Variants in TFAP2C observed in about 807,000 individuals in gnomAD.
TFAP2C encodes the protein transcription factor AP-2 gamma.
TFAP2C carries 9 observed loss-of-function variants against 42.9 expected under a neutral mutation model. The ratio of observed to expected loss-of-function variants is 0.21; its 90% confidence interval spans 0.13 to 0.37. The LOEUF is 0.37. Ranked by LOEUF, TFAP2C falls within the 10% of genes least tolerant of loss-of-function variation. The pLI is 1.00. For synonymous variants in TFAP2C, 264 were observed against 256.0 expected (o/e 1.03, Z -0.30); for missense variants, 462 against 591.7 (o/e 0.78, Z 2.27).
In TFAP2C at chr20:56,633,406, G is replaced by T. The variant is rs200945064; in HGVS notation, c.640G>T (p.Val214Leu). 6.2e-7 allele frequency: 1 copy of T among 1,614,110 alleles called. No individual in the cohort carries two copies. The highest frequency in any genetic ancestry group is 2.2e-5 in the East Asian group (1 of 44,882). The change falls in exon 4 of 7, where the codon GTG becomes TTG. Residue 214 changes from valine (V) to leucine (L), a missense_variant. By Grantham distance (32) the Val-to-Leu change is conservative (BLOSUM62 1). Coordinates refer to ENST00000201031, the MANE Select transcript of TFAP2C (RefSeq NM_003222.4). ...PLNLPCQKEL[V>L]GAVMNPTEVF... ...GAACCTCCCCTGTCAGAAGGAGCTG[G>T]TGGGGGCCGTAATGAACCCCACTGA...
chr20:56,636,607 T>C lies in TFAP2C; in HGVS notation c.923-3T>C, dbSNP rs776375684. The C allele has an allele frequency of 6.2e-7, 1 of 1,610,566 alleles. No individual in the cohort carries two copies. The highest frequency in any genetic ancestry group is 1.1e-5 in the South Asian group (1 of 90,216). The stretch of plus-strand genomic sequence containing the variant: ...TCCTAAAAGCTGTTGCTGATTATTC[T>C]AGGTGAAGCTGTTCATTTGGCTAGG... On this transcript the variant is annotated splice_polypyrimidine_tract_variant and splice_region_variant and intron_variant, in intron 5 of 6. Coordinates refer to ENST00000201031, the MANE Select transcript of TFAP2C (RefSeq NM_003222.4).
At position 56,631,383 on chromosome 20, in the gene TFAP2C, A is replaced by C. The variant is rs1169398194; in HGVS notation, c.227A>C (p.Tyr76Ser). Reference sequence around the variant, plus strand: ...GCCTACTCCCAGTCGGCCGACCCCTACTCGCATCTGGGGGAAGCGTACGCC... The same window carrying C: ...GCCTACTCCCAGTCGGCCGACCCCTCCTCGCATCTGGGGGAAGCGTACGCC... ...QLAYSQSADP[Y>S]SHLGEAYAAA... is the part of the protein sequence containing the mutation. The change falls in exon 2 of 7, where the codon TAC (tyrosine) becomes TCC (serine). Residue 76 changes from tyrosine (Y) to serine (S), a missense_variant. Physicochemically the swap from Tyr to Ser is moderately radical, Grantham distance 144 (BLOSUM62 -2). Transcript: ENST00000201031. The surrounding 1 kb of genome is among the most constrained non-coding windows in gnomAD (Gnocchi z 6.1). The C allele has an allele frequency of 6.2e-7, 1 of 1,609,528 alleles. No homozygotes were observed. The highest frequency in any genetic ancestry group is 8.5e-7 in the Non-Finnish European group (1 of 1,178,624).
Position 56,633,504 on chromosome 20 carries a change from A to G in TFAP2C, c.738A>G (p.Glu246=). ...STSKYKVTVA[E]VQRRLSPPEC... is the part of the protein sequence containing the mutation. Reference sequence around the variant, plus strand: ...CTAAATACAAAGTGACAGTGGCTGAAGTACAGAGGCGACTGTCCCCACCTG... The same window carrying G: ...CTAAATACAAAGTGACAGTGGCTGAGGTACAGAGGCGACTGTCCCCACCTG... The change falls in exon 4 of 7, where the codon GAA becomes GAG. Residue 246 remains glutamate, a synonymous_variant. Coordinates refer to ENST00000201031, the MANE Select transcript of TFAP2C (RefSeq NM_003222.4). 6.2e-7 allele frequency: 1 copy of G among 1,614,184 alleles called. No individual in the cohort carries two copies. Among genetic ancestry groups the G allele is most frequent in the Non-Finnish European group, 8.5e-7 (1 of 1,180,030 alleles).
Position 56,637,871 on chromosome 20 carries a change from C to T in TFAP2C, c.1211C>T (p.Ala404Val), listed in dbSNP as rs1259135577. ...ATTACCCACGGGTTTGGCAGCCAGG[C>T]CATCTGTGCCGCGGTGTCTGCCCTG... is the stretch of plus-strand genomic sequence containing the variant. The part of the protein sequence containing the change: ...SLITHGFGSQ[A>V]ICAAVSALQN... The change falls in exon 7 of 7, where the codon GCC becomes GTC. Residue 404 changes from alanine to valine, a missense_variant. Physicochemically the swap from Ala to Val is moderately conservative, Grantham distance 64. Coordinates refer to ENST00000201031, the MANE Select transcript of TFAP2C (RefSeq NM_003222.4). 6.2e-7 allele frequency: 1 copy of T among 1,601,148 alleles called. No individual in the cohort carries two copies.
chr20:56,638,598 C>T lies in TFAP2C; in HGVS notation c.*585C>T, dbSNP rs940685412. ...ACACACTCTAAACCCCGTGTTCAAA[C>T]GGGGGCCTTCTGGTTTTAGGAAACT... On this transcript the variant is annotated 3_prime_UTR_variant, in exon 7 of 7. Coordinates refer to ENST00000201031, the MANE Select transcript of TFAP2C (RefSeq NM_003222.4). The T allele has an allele frequency of 8.6e-5, 13 of 151,548 alleles. No homozygotes were observed. The highest frequency in any genetic ancestry group is 1.9e-4 in the East Asian group (1 of 5,132). The allele number at this position is 151,548 out of a possible 1,614,324, so 9.4% of individuals were successfully genotyped here.
At chr20:56,633,997 T>C (rs1987542126) in intron 4 of TFAP2C, among the ~76,000 whole-genome samples, 153 bp from the exon 5 acceptor site, 2 of 152,268 alleles carry the variant, frequency 1.3e-5, no homozygotes, top group South Asian at 4.1e-4. Context: ...AGGACCCTGC[T>C]ATCACTTTTC....
chr20:56,630,326 AG>A lies in TFAP2C; in HGVS notation c.48+736del, dbSNP rs1482417470. Reference sequence around the variant, plus strand: ...GCCCTGGAGGGCTGCCCCTGCCCGCAGGCCCGGGCGCTTCCGCCAGGAGGCG... The same window carrying A: ...GCCCTGGAGGGCTGCCCCTGCCCGCAGCCCGGGCGCTTCCGCCAGGAGGCG... On this transcript the variant is annotated intron_variant, in intron 1 of 6. Coordinates refer to ENST00000201031, the MANE Select transcript of TFAP2C (RefSeq NM_003222.4). This position sits in a 1 kb window ranked among gnomAD's most constrained non-coding sequence, Gnocchi z 5.1. 1 of 424,920 alleles carries A rather than the reference AG, an allele frequency of 2.4e-6. No individual in the cohort carries two copies. Among genetic ancestry groups the A allele is most frequent in the Non-Finnish European group, 4.8e-6 (1 of 208,212 alleles). The allele number at this position is 424,920 out of a possible 1,614,324, so 26.3% of individuals were successfully genotyped here.
At chr20:56,636,120 T>C (rs1317270851) in intron 5 of TFAP2C, among the ~76,000 whole-genome samples, 1 of 152,216 alleles carries the variant, frequency 6.6e-6, no homozygotes, top group Non-Finnish European at 1.5e-5. Context: ...CTCCACCCTC[T>C]ATTCCTGGGG....
chr20:56,633,686 G>A (rs1029921739), intron 4 of TFAP2C, 117 bp downstream of exon 4: 14 of 769,294 alleles, frequency 1.8e-5, no homozygotes, highest in Middle Eastern at 3.5e-4. Context: ...AATTCTAATC[G>A]GGTTAGAGTT....
chr20:56,634,401 C>T, intron 5 of TFAP2C, 133 bp downstream of exon 5: 2 of 682,270 alleles, frequency 2.9e-6, no homozygotes, highest in African/African-American at 1.8e-5. Flanking sequence ...TGGAATTGTT[C>T]TCTAAGTTTA....
In TFAP2C at chr20:56,638,195, C is replaced by T. The variant is rs922165006; in HGVS notation, c.*182C>T. 6 of 593,694 alleles carry T rather than the reference C, an allele frequency of 1.0e-5. No individual in the cohort carries two copies. The highest frequency in any genetic ancestry group is 1.9e-5 in the African/African-American group (1 of 53,954). 36.8% of individuals were successfully genotyped at this position (593,694 alleles called of 1,614,324 possible). A position where few individuals can be genotyped will look rare whatever the true frequency, so the allele number is the denominator to read the frequency against. On this transcript the variant is annotated 3_prime_UTR_variant, in exon 7 of 7. Transcript: ENST00000201031. Reference sequence around the variant, plus strand: ...CTGGACTTCTTAGTTGTTTCTCTAGCGCTGAGCTATCTCCTAACTTTGGAC... The same window carrying T: ...CTGGACTTCTTAGTTGTTTCTCTAGTGCTGAGCTATCTCCTAACTTTGGAC...
At chr20:56,634,093 C>T (rs773570662) in intron 4 of TFAP2C, 57 bp from the exon 5 acceptor site, 23 of 1,152,138 alleles carry the variant, frequency 2.0e-5, no homozygotes, top group Middle Eastern at 3.9e-4. Context: ...TTAAAGTGTG[C>T]GTGTGTATGT....
In TFAP2C at chr20:56,631,631, G is replaced by T; in HGVS notation, c.475G>T (p.Ala159Ser). ...LLPHAHALDA[A>S]GLAENLGLHD... ...GCCCCACGCACACGCCCTGGATGCC[G>T]CGGGCCTGGCCGAGAACCTGGGGCT... Residue 159 changes from alanine (A) to serine (S), a missense_variant, in exon 2 of 7, where the codon GCG becomes TCG. By Grantham distance (99) the Ala-to-Ser change is moderately conservative. Coordinates refer to ENST00000201031, the MANE Select transcript of TFAP2C (RefSeq NM_003222.4). The surrounding 1 kb of genome is among the most constrained non-coding windows in gnomAD (Gnocchi z 6.1). The T allele has an allele frequency of 6.3e-7, 1 of 1,576,026 alleles. No individual in the cohort carries two copies. The highest frequency in any genetic ancestry group is 8.6e-7 in the Non-Finnish European group (1 of 1,167,514).
rs192275203 is a variant in TFAP2C at position 56,638,021 on chromosome 20, A to C, written c.*8A>C. On this transcript the variant is annotated 3_prime_UTR_variant, in exon 7 of 7. Coordinates refer to ENST00000201031, the MANE Select transcript of TFAP2C (RefSeq NM_003222.4). Reference sequence around the variant, plus strand: ...GAGAAACACAGGAAATAAAATTGGAACGAAGAAAGGTTAGGAGAGTAGGGA... The same window carrying C: ...GAGAAACACAGGAAATAAAATTGGACCGAAGAAAGGTTAGGAGAGTAGGGA... 1.7e-4 allele frequency: 276 copies of C among 1,610,816 alleles called. 1 individual carries two copies. The African/African-American group carries it at 3.2e-3, about 19-fold the overall frequency.
At position 56,630,783 on chromosome 20, in the gene TFAP2C, C is replaced by A; in HGVS notation, c.49-422C>A. ...TGCCGCGCTGCCACCTCCAGCAGTC[C>A]CTGCGTCATGGGCGGGCTCCACGAG... On this transcript the variant is annotated intron_variant, in intron 1 of 6. Coordinates refer to ENST00000201031, the MANE Select transcript of TFAP2C (RefSeq NM_003222.4). This position sits in a 1 kb window ranked among gnomAD's most constrained non-coding sequence, Gnocchi z 5.1. The A allele has an allele frequency of 1.0e-6, 1 of 985,388 alleles. No homozygotes were observed. Among genetic ancestry groups the A allele is most frequent in the Non-Finnish European group, 1.2e-6 (1 of 829,918 alleles). 61.0% of individuals were successfully genotyped at this position (985,388 alleles called of 1,614,324 possible).
At position 56,629,500 on chromosome 20, in the gene TFAP2C, G is replaced by T; in HGVS notation, c.-45G>T. On this transcript the variant is annotated 5_prime_UTR_variant, in exon 1 of 7. Transcript: ENST00000201031. The surrounding 1 kb of genome is among the most constrained non-coding windows in gnomAD (Gnocchi z 5.9). ...GGATTTACCGCTTGGGGGCTGGGGG[G>T]ATCCTGGATTTAACTGGCGACTGTT... 1 of 1,384,334 alleles carries T rather than the reference G, an allele frequency of 7.2e-7. No homozygotes were observed. The allele number at this position is 1,384,334 out of a possible 1,614,324, so 85.8% of individuals were successfully genotyped here.
chr20:56,630,293 G>A lies in TFAP2C; in HGVS notation c.48+701G>A. The A allele has an allele frequency of 8.4e-6, 3 of 355,672 alleles. No individual in the cohort carries two copies. Among genetic ancestry groups the A allele is most frequent in the East Asian group, 8.4e-5 (1 of 11,910 alleles). The allele number at this position is 355,672 out of a possible 1,614,324, so 22.0% of individuals were successfully genotyped here. On this transcript the variant is annotated intron_variant, in intron 1 of 6. Transcript: ENST00000201031. The surrounding 1 kb of genome is among the most constrained non-coding windows in gnomAD (Gnocchi z 5.1). The stretch of plus-strand genomic sequence containing the variant: ...CTACGGACTCGCGGGAGTTCACTGC[G>A]CCTCCGGGCCCTGGAGGGCTGCCCC...
chr20:56,632,193 C>G (rs149531495), intron 3 of TFAP2C, among the ~76,000 whole-genome samples: 19 of 152,334 alleles, frequency 1.2e-4, no homozygotes, highest in African/African-American at 4.3e-4. Flanking sequence ...AAGTCACAGG[C>G]ACACCTTCGT....
intron 5 of TFAP2C, among the ~76,000 whole-genome samples, chr20:56,635,634 G>C (rs1161958009): frequency 6.6e-6 from 1 of 151,888 alleles, no homozygotes; most frequent in Non-Finnish European, 1.5e-5. Context: ...CATGTTTATA[G>C]CCCTTAAATT....
Sources: gnomAD v4.1 joint callset for allele counts (sites outside exome capture counted in the v4.1 genomes callset) on GRCh38, gnomAD v4.1.1 for gene constraint, Gnocchi (gnomAD v3.1) non-coding constraint, MANE v1.5 for transcripts, NCBI Gene and HGNC (gene_info 2026-07-23, HGNC 2026-07-21) for gene names.